The following TRIO variants were observed in gnomAD, a reference collection of about 807,000 sequenced individuals.
TRIO encodes the protein trio Rho guanine nucleotide exchange factor.
A neutral mutation model predicts 351.9 loss-of-function variants in TRIO; 58 were observed. That is an observed-to-expected ratio of 0.16 (90% CI 0.13 to 0.21). TRIO has a LOEUF of 0.21. Among genes scored for constraint, TRIO ranks in the 10% least tolerant of loss-of-function variants. The pLI is 1.00. For synonymous variants in TRIO, 1,758 were observed against 1,595.7 expected (o/e 1.10, Z -2.42); for missense variants, 3,201 against 4,027.8 (o/e 0.79, Z 5.56).
At chr5:14,500,141 A>G (rs972403211) in intron 53 of TRIO, among the ~76,000 whole-genome samples, 1 of 152,144 alleles carries the variant, frequency 6.6e-6, no homozygotes, top group Non-Finnish European at 1.5e-5. Context: ...ACACAAATTC[A>G]GCTGCACCCC....
intron 37 of TRIO, chr5:14,465,878 T>C (rs1489675966): frequency 1.9e-6 from 1 of 517,982 alleles, no homozygotes; most frequent in East Asian, 3.4e-5. Flanking sequence ...CAGATCAAAA[T>C]AGGCAAGGGA....
chr5:14,403,432 G>GGTTGTGAGGGTGTAC (rs1748339099), intron 31 of TRIO, among the ~76,000 whole-genome samples: 1 of 103,736 alleles, frequency 9.6e-6, no homozygotes, highest in African/African-American at 4.7e-5. Context: ...TGAGGGTGTA[G>GGTTGTGAGGGTGTAC]GTTGTGGTGA....
At chr5:14,308,496 C>T (rs1049157638) in intron 8 of TRIO, among the ~76,000 whole-genome samples, 1 of 151,556 alleles carries the variant, frequency 6.6e-6, no homozygotes, top group African/African-American at 2.4e-5. Context: ...GCCACCCATC[C>T]GTCCATCCAT....
At position 14,143,644 on chromosome 5, in the gene TRIO, C is replaced by T; in HGVS notation, c.-82C>T. ...CGGGCAGCTGGGTGCTCGGCGCCGC[C>T]AGGCCCGGCGCGGAGCGGGCGGCAC... On this transcript the variant is annotated 5_prime_UTR_variant, in exon 1 of 57. It introduces an in-frame stop codon into an upstream open reading frame of the 5' UTR. Transcript: ENST00000344204. 1 of 649,584 alleles carries T rather than the reference C, an allele frequency of 1.5e-6. No individual in the cohort carries two copies. The highest frequency in any genetic ancestry group is 1.9e-6 in the Non-Finnish European group (1 of 526,626). The allele number at this position is 649,584 out of a possible 1,614,324, so 40.2% of individuals were successfully genotyped here.
At chr5:14,338,704 C>T (rs762639019) in intron 11 of TRIO, among the ~76,000 whole-genome samples, 5 of 152,158 alleles carry the variant, frequency 3.3e-5, no homozygotes, top group African/African-American at 9.7e-5. Flanking sequence ...GTTCCTCATT[C>T]GGGGCCCAGT....
chr5:14,479,933 T>C lies in TRIO; in HGVS notation c.6258T>C (p.Arg2086=). The C allele has an allele frequency of 6.2e-7, 1 of 1,614,080 alleles. No individual in the cohort carries two copies. The highest frequency in any genetic ancestry group is 1.1e-5 in the South Asian group (1 of 91,068). Residue 2086 remains arginine (R), a synonymous_variant, in exon 43 of 57, where the codon CGT becomes CGC. Transcript: ENST00000344204. ...TAAAACTGTAGGACTTAAAGCAGCG[T>C]CTTGGCCACAGGTTACAGCTCACAG... ...IDTFFEDLKQ[R]LGHRLQLTDL...
At chr5:14,419,656 G>T (rs59319588) in intron 33 of TRIO, 122 bp from the exon 34 acceptor site, 4 of 1,359,552 alleles carry the variant, frequency 2.9e-6, no homozygotes, top group East Asian at 4.7e-5. Context: ...ACACAACCTC[G>T]GAGCACTCAG....
intron 40 of TRIO, 97 bp from the exon 41 acceptor site, chr5:14,476,797 A>AG: frequency 8.9e-7 from 1 of 1,120,152 alleles, no homozygotes; most frequent in South Asian, 1.5e-5. Flanking sequence ...CTCTCAAAAA[A>AG]AAAAAAGAAA....
intron 34 of TRIO, among the ~76,000 whole-genome samples, chr5:14,439,775 G>C (rs963299873): frequency 1.3e-5 from 2 of 152,182 alleles, no homozygotes; most frequent in African/African-American, 4.8e-5. Flanking sequence ...TTTGCTTTTG[G>C]TGTTTTAAGA....
intron 37 of TRIO, among the ~76,000 whole-genome samples, chr5:14,468,695 G>A (rs985065209): frequency 2.0e-5 from 3 of 152,212 alleles, no homozygotes; most frequent in African/African-American, 7.2e-5. Flanking sequence ...GCATCCACAT[G>A]TGTTTTCTTG....
At chr5:14,348,348 A>G (rs191564493) in intron 11 of TRIO, among the ~76,000 whole-genome samples, 1 of 152,378 alleles carries the variant, frequency 6.6e-6, no homozygotes, top group East Asian at 1.9e-4. Context: ...GTGCTCAACA[A>G]TTGATGAAAT....
chr5:14,234,641 C>T (rs1793662451), intron 1 of TRIO, among the ~76,000 whole-genome samples: 1 of 152,118 alleles, frequency 6.6e-6, no homozygotes, highest in Admixed American at 6.5e-5. Context: ...TGTTTCTGTT[C>T]CTACATATAC....
chr5:14,403,699 G>A (rs559806945), intron 31 of TRIO, among the ~76,000 whole-genome samples: 1 of 138,094 alleles, frequency 7.2e-6, no homozygotes, highest in South Asian at 2.5e-4. Flanking sequence ...TGAGGGTGTA[G>A]GTTGTGGTGA....
At chr5:14,261,683 G>C (rs951258086) in intron 1 of TRIO, among the ~76,000 whole-genome samples, 1 of 152,192 alleles carries the variant, frequency 6.6e-6, no homozygotes, top group Admixed American at 6.5e-5. Flanking sequence ...TTCCCTGAAG[G>C]CTTGCGTTTC....
In TRIO at chr5:14,366,174, G is replaced by A. The variant is rs558358144; in HGVS notation, c.2755-686G>A. Among the ~76,000 whole-genome samples the A allele has an allele frequency of 2.9e-3, 448 of 152,076 alleles. 3 individuals are homozygous for A. Among genetic ancestry groups the A allele is most frequent in the Middle Eastern group, 0.01 (3 of 294 alleles). On this transcript the variant is annotated intron_variant, in intron 15 of 56. Coordinates refer to ENST00000344204, the MANE Select transcript of TRIO (RefSeq NM_007118.4). The stretch of plus-strand genomic sequence containing the variant: ...AAGTAAAGCCCCAACTTTGGGAGAG[G>A]GCTTAGACAATAAAAGTACTTCTGT...
intron 1 of TRIO, among the ~76,000 whole-genome samples, chr5:14,215,627 T>C (rs1792169836): frequency 6.6e-6 from 1 of 152,238 alleles, no homozygotes; most frequent in African/African-American, 2.4e-5. Flanking sequence ...TTGAGATCTT[T>C]TAGCGCCAAG....
At chr5:14,154,213 G>A (rs1787978227) in intron 1 of TRIO, among the ~76,000 whole-genome samples, 1 of 152,122 alleles carries the variant, frequency 6.6e-6, no homozygotes, top group South Asian at 2.1e-4. Flanking sequence ...TGTTAATGTG[G>A]GGGTTGGGAG....
chr5:14,414,541 T>C (rs1457480073), intron 33 of TRIO, among the ~76,000 whole-genome samples: 2 of 152,214 alleles, frequency 1.3e-5, no homozygotes, highest in Non-Finnish European at 1.5e-5. Context: ...CCTCACTCCT[T>C]CTTTTCCAGA....
At chr5:14,144,442 A>G (rs1357082226) in intron 1 of TRIO, among the ~76,000 whole-genome samples, 1 of 151,940 alleles carries the variant, frequency 6.6e-6, no homozygotes, top group Non-Finnish European at 1.5e-5. Flanking sequence ...CTTGGTCTAC[A>G]CTTCTGTGAA....
Sources: gnomAD v4.1 joint callset for allele counts (sites outside exome capture counted in the v4.1 genomes callset) on GRCh38, gnomAD v4.1.1 for gene constraint, MANE v1.5 for transcripts, NCBI Gene and HGNC (gene_info 2026-07-23, HGNC 2026-07-21) for gene names.